Variants in NRG1 observed in about 807,000 individuals in gnomAD.
NRG1 encodes the protein pro-neuregulin-1, membrane-bound isoform.
In NRG1, 18 loss-of-function variants were observed where a neutral mutation model predicts 63.8. The ratio of observed to expected loss-of-function variants is 0.28; its 90% CI spans 0.19 to 0.42. The LOEUF (loss-of-function observed/expected upper bound fraction) is 0.42. NRG1 is among the 10% of genes least tolerant of loss of function. The pLI is 1.00. For missense variants in NRG1, 762 were observed against 814.7 expected (o/e 0.94, Z 0.79); for synonymous variants, 302 against 301.3 (o/e 1.00, Z -0.02).
chr8:32,081,674 T>C (rs1827484118), intron 1 of NRG1, among the ~76,000 whole-genome samples: 1 of 152,152 alleles, frequency 6.6e-6, no homozygotes, highest in Admixed American at 6.6e-5. Context: ...ACTTACTTTT[T>C]TCCAATAGAT....
At chr8:32,029,350 T>A (rs1817923360) in intron 1 of NRG1, 1 of 152,212 alleles carries the variant, frequency 6.6e-6, no homozygotes, top group Non-Finnish European at 1.5e-5. Context: ...CATTTAAAGA[T>A]CTCAATTGGC....
intron 1 of NRG1, among the ~76,000 whole-genome samples, chr8:31,716,017 C>T (rs1812313271): frequency 6.6e-6 from 1 of 152,092 alleles, no homozygotes; most frequent in Non-Finnish European, 1.5e-5. Context: ...GTGGAAGTTT[C>T]TTTGTGTCCT....
chr8:32,010,880 A>G (rs1814645770), intron 1 of NRG1, among the ~76,000 whole-genome samples: 1 of 152,088 alleles, frequency 6.6e-6, no homozygotes, highest in Admixed American at 6.6e-5. Flanking sequence ...CTGATGTCCT[A>G]TAATGTTTCA....
intron 1 of NRG1, among the ~76,000 whole-genome samples, chr8:32,451,061 G>T (rs1820889255): frequency 6.6e-6 from 1 of 152,064 alleles, no homozygotes; most frequent in Non-Finnish European, 1.5e-5. Context: ...CAGATCTTTG[G>T]CCTTTCAAAC....
chr8:31,659,629 G>GA (rs539969595), intron 1 of NRG1, among the ~76,000 whole-genome samples: 77 of 152,036 alleles, frequency 5.1e-4, no homozygotes, highest in African/African-American at 1.6e-3. Flanking sequence ...GCACACCCAG[G>GA]AAAAAAACAA....
intron 1 of NRG1, chr8:32,139,229 T>C (rs1835934069): frequency 1.3e-5 from 2 of 152,238 alleles, no homozygotes. Context: ...AATTTCAGTC[T>C]TTATTCAAGA....
At position 31,691,346 on chromosome 8, in the gene NRG1, G is replaced by A. The variant is rs536793316; in HGVS notation, c.37+51915G>A. On this transcript the variant is annotated intron_variant, in intron 1 of 10. Transcript: ENST00000519301. ...TCTGAGGCCGGGCGCGGTGGCTCAC[G>A]CCTGTAATCCCAGCACTTTGGGAGG... Among the ~76,000 whole-genome samples the A allele has an allele frequency of 3.9e-5, 6 of 152,160 alleles. No individual in the cohort carries two copies. In the East Asian group the frequency reaches 1.2e-3, roughly 29 times the overall value.
At chr8:31,673,716 G>A (rs927953714) in intron 1 of NRG1, among the ~76,000 whole-genome samples, 5 of 152,098 alleles carry the variant, frequency 3.3e-5, no homozygotes, top group Non-Finnish European at 7.4e-5. Flanking sequence ...GAAGCATGAC[G>A]TCAGAATAAG....
chr8:32,627,206 A>G lies in NRG1; in HGVS notation c.502+10321A>G, dbSNP rs555613734. 3.3e-5 allele frequency among the ~76,000 whole-genome samples: 5 copies of G among 152,262 alleles called. No homozygotes were observed. In the South Asian group the frequency reaches 1.0e-3, roughly 32 times the overall value. On this transcript the variant is annotated intron_variant, in intron 5 of 11. Coordinates refer to ENST00000356819, the Ensembl canonical transcript of NRG1. The stretch of plus-strand genomic sequence containing the variant: ...TTTTAAAAGATGATGACATTCTATA[A>G]TTTACCGTCAAGAATAAAAGATTAG...
chr8:32,158,466 T>TATATATATATATAG (rs1838422925), intron 1 of NRG1, among the ~76,000 whole-genome samples: 1 of 133,414 alleles, frequency 7.5e-6, no homozygotes, highest in Admixed American at 8.0e-5. Flanking sequence ...TATATATATA[T>TATATATATATATAG]ATATATCATG....
intron 1 of NRG1, among the ~76,000 whole-genome samples, chr8:32,075,296 C>T (rs1230546847): frequency 1.6e-4 from 1 of 6,394 alleles, no homozygotes; most frequent in Non-Finnish European, 3.1e-3. Flanking sequence ...TATTAAGAAT[C>T]ATACCAGAGT....
intron 1 of NRG1, among the ~76,000 whole-genome samples, chr8:32,078,719 A>T (rs941331633): frequency 6.6e-6 from 1 of 152,100 alleles, no homozygotes; most frequent in African/African-American, 2.4e-5. Flanking sequence ...TCAATTTCTA[A>T]AGAACAAATA....
At chr8:31,867,932 C>G (rs573631174) in intron 1 of NRG1, among the ~76,000 whole-genome samples, 1 of 152,062 alleles carries the variant, frequency 6.6e-6, no homozygotes, top group Non-Finnish European at 1.5e-5. Context: ...ATTTGGCCAA[C>G]TGTATTGGAC....
chr8:31,987,318 A>ATGTGTGTGTGTGTGTG (rs775800534), intron 1 of NRG1, among the ~76,000 whole-genome samples: 1 of 75,180 alleles, frequency 1.3e-5, no homozygotes, highest in African/African-American at 5.1e-5. Flanking sequence ...AAAAACATAT[A>ATGTGTGTGTGTGTGTG]TATGTGTGTG....
chr8:32,627,419 T>C (rs1463863709), intron 5 of NRG1, among the ~76,000 whole-genome samples: 1 of 152,178 alleles, frequency 6.6e-6, no homozygotes, highest in Non-Finnish European at 1.5e-5. Context: ...ATGTTACATA[T>C]CCGAGGAGAT....
chr8:32,658,812 A>C (rs1802131449), intron 5 of NRG1, among the ~76,000 whole-genome samples: 1 of 152,246 alleles, frequency 6.6e-6, no homozygotes, highest in Admixed American at 6.5e-5. Flanking sequence ...GGCAAATTTT[A>C]ATCAGGTTAA....
At chr8:32,347,295 AT>A (rs1030043299) in intron 1 of NRG1, among the ~76,000 whole-genome samples, 3 of 152,112 alleles carry the variant, frequency 2.0e-5, no homozygotes, top group Non-Finnish European at 4.4e-5. Flanking sequence ...ACCAACTGTT[AT>A]TTACCCCTGC....
intron 1 of NRG1, among the ~76,000 whole-genome samples, chr8:32,072,789 G>A (rs6468079): frequency 0.98 from 148,629 of 152,236 alleles, 72,655 homozygotes; most frequent in East Asian, 1. Context: ...TAATTTCTGA[G>A]AAACCAGGAG....
chr8:32,520,943 A>G (rs1239192739), intron 1 of NRG1, among the ~76,000 whole-genome samples: 1 of 152,218 alleles, frequency 6.6e-6, no homozygotes, highest in African/African-American at 2.4e-5. Context: ...AACTGTCACA[A>G]TGTAGCAGTG....
Sources: gnomAD v4.1 joint callset for allele counts (sites outside exome capture counted in the v4.1 genomes callset) on GRCh38, gnomAD v4.1.1 for gene constraint, MANE v1.5 for transcripts, NCBI Gene and HGNC (gene_info 2026-07-23, HGNC 2026-07-21) for gene names.